MACROD2: variants seen among roughly 807,000 people sequenced by gnomAD.
MACROD2 encodes ADP-ribose glycohydrolase MACROD2.
In MACROD2, 36 loss-of-function variants were observed where a neutral mutation model predicts 70.4. The ratio of observed to expected loss-of-function variants is 0.51; its 90% CI spans 0.39 to 0.68. The LOEUF (loss-of-function observed/expected upper bound fraction) is 0.68, where lower values mean the gene tolerates loss of function less well. Ranked by LOEUF, MACROD2 falls within the 30% of genes least tolerant of loss-of-function variation. The pLI, the probability that MACROD2 is intolerant of heterozygous loss-of-function variation, is 0.00. For synonymous variants in MACROD2, 172 were observed against 178.8 expected, an observed-to-expected ratio of 0.96 and a Z score of 0.30; for missense variants, 496 against 538.4, an observed-to-expected ratio of 0.92 and a Z score of 0.78.
chr20:15,323,478 A>G, intron 6 of MACROD2, among the ~76,000 whole-genome samples: 1 of 152,166 alleles, frequency 6.6e-6, no homozygotes, highest in East Asian at 1.9e-4. Context: ...AATAGAGAAA[A>G]AAACCCCATA....
intron 12 of MACROD2, 55 bp downstream of exon 12, chr20:15,937,599 G>T: frequency 6.6e-7 from 1 of 1,519,986 alleles, no homozygotes; most frequent in Admixed American, 1.7e-5. Flanking sequence ...GAGACTGTTT[G>T]GGCTTGTTTA....
chr20:14,233,109 A>G (rs1163804431), intron 3 of MACROD2, among the ~76,000 whole-genome samples: 2 of 152,186 alleles, frequency 1.3e-5, no homozygotes, highest in African/African-American at 4.8e-5. Context: ...ATTGTCTTAT[A>G]TGGGTGTGGT....
At chr20:15,355,704 G>A (rs916392826) in intron 6 of MACROD2, among the ~76,000 whole-genome samples, 9 of 152,150 alleles carry the variant, frequency 5.9e-5, no homozygotes, top group African/African-American at 1.9e-4. Context: ...CTCAGCATGA[G>A]TGACTTTATC....
intron 15 of MACROD2, among the ~76,000 whole-genome samples, chr20:16,007,433 G>A (rs555573142): frequency 6.6e-6 from 1 of 152,244 alleles, no homozygotes; most frequent in South Asian, 2.1e-4. Flanking sequence ...GTGAGGCAGA[G>A]GACTATTAGC....
intron 5 of MACROD2, among the ~76,000 whole-genome samples, chr20:15,176,893 G>T (rs2076466347): frequency 6.6e-6 from 1 of 152,150 alleles, no homozygotes; most frequent in Non-Finnish European, 1.5e-5. Context: ...GTGGTTCCTG[G>T]CATCTCCAAG....
intron 5 of MACROD2, among the ~76,000 whole-genome samples, chr20:14,987,482 TG>T (rs2074859896): frequency 1.3e-5 from 2 of 152,238 alleles, no homozygotes; most frequent in African/African-American, 4.8e-5. Flanking sequence ...AAAAATCAAG[TG>T]TGTGTTTAAT....
intron 5 of MACROD2, among the ~76,000 whole-genome samples, chr20:15,176,902 A>G (rs991474921): frequency 6.6e-6 from 1 of 152,136 alleles, no homozygotes; most frequent in African/African-American, 2.4e-5. Context: ...GGCATCTCCA[A>G]GGTTCCAGAT....
intron 8 of MACROD2, among the ~76,000 whole-genome samples, chr20:15,793,558 C>T (rs866897289): frequency 4.6e-5 from 7 of 151,824 alleles, no homozygotes; most frequent in Admixed American, 2.6e-4. Flanking sequence ...TTTAAAAAGC[C>T]ATACTGTTAA....
At chr20:15,669,438 T>G (rs1363031486) in intron 8 of MACROD2, among the ~76,000 whole-genome samples, 1 of 152,262 alleles carries the variant, frequency 6.6e-6, no homozygotes, top group Non-Finnish European at 1.5e-5. Context: ...ACCCTGGTTC[T>G]TTCCTACTCT....
intron 5 of MACROD2, among the ~76,000 whole-genome samples, chr20:15,074,315 G>C (rs553917257): frequency 6.6e-6 from 1 of 152,168 alleles, no homozygotes; most frequent in African/African-American, 2.4e-5. Context: ...TCAATCATGC[G>C]TACCTAATGA....
chr20:15,013,798 C>G (rs34056767), intron 5 of MACROD2, among the ~76,000 whole-genome samples: 2 of 152,194 alleles, frequency 1.3e-5, no homozygotes, highest in African/African-American at 4.8e-5. Flanking sequence ...GGAGCCCAAC[C>G]TACAACACCA....
At chr20:15,285,727 C>G (rs2077485011) in intron 6 of MACROD2, among the ~76,000 whole-genome samples, 1 of 152,208 alleles carries the variant, frequency 6.6e-6, no homozygotes, top group Non-Finnish European at 1.5e-5. Context: ...TTATTAATAT[C>G]AAATAACTTT....
In MACROD2 at chr20:15,417,426, A is replaced by G. The variant is rs569305616; in HGVS notation, c.541-13979A>G. On this transcript the variant is annotated intron_variant, in intron 6 of 17. Coordinates refer to ENST00000684519, the MANE Select transcript of MACROD2 (RefSeq NM_001351661.2). The stretch of plus-strand genomic sequence containing the variant: ...GACAACACAGCAAGACCTCATCCCT[A>G]TGAATAATAATAATAATAAATATTA... Among the ~76,000 whole-genome samples, 9 of 151,614 alleles carry G rather than the reference A, an allele frequency of 5.9e-5. No individual in the cohort carries two copies. The East Asian group carries it at 1.4e-3, about 23-fold the overall frequency.
At chr20:15,720,134 AT>A (rs1453650518) in intron 8 of MACROD2, among the ~76,000 whole-genome samples, 5 of 152,148 alleles carry the variant, frequency 3.3e-5, no homozygotes, top group Admixed American at 6.5e-5. Context: ...GAATTTTATT[AT>A]TTTTTATAGC....
intron 4 of MACROD2, among the ~76,000 whole-genome samples, chr20:14,498,582 G>T (rs879466969): frequency 1.8e-4 from 27 of 152,284 alleles, no homozygotes; most frequent in Non-Finnish European, 3.4e-4. Context: ...GATTCTGCTG[G>T]CATAGTCTTT....
At chr20:15,163,147 TA>T (rs1309825670) in intron 5 of MACROD2, among the ~76,000 whole-genome samples, 6 of 151,840 alleles carry the variant, frequency 4.0e-5, no homozygotes, top group African/African-American at 1.4e-4. Context: ...GGGTCAGGGA[TA>T]ATCAGTGAAT....
intron 3 of MACROD2, among the ~76,000 whole-genome samples, chr20:14,248,602 T>A (rs1180213472): frequency 2.0e-5 from 3 of 151,822 alleles, no homozygotes; most frequent in Admixed American, 2.0e-4. Flanking sequence ...ATAATAATAA[T>A]AAATAAAATA....
At position 14,305,029 on chromosome 20, in the gene MACROD2, A is replaced by G. The variant is rs571526345; in HGVS notation, c.272-188450A>G. 1.3e-3 allele frequency among the ~76,000 whole-genome samples: 204 copies of G among 152,280 alleles called. 2 individuals carry two copies. Among genetic ancestry groups the G allele is most frequent in the African/African-American group, 4.8e-3 (198 of 41,558 alleles). ...CAGCTCTGATGCTCGGCCCCACTCC[A>G]GACCAATTAACTCAGAATTTCTGAA... On this transcript the variant is annotated intron_variant, in intron 3 of 17. Transcript: ENST00000684519.
chr20:15,596,347 T>C lies in MACROD2; in HGVS notation c.645+96500T>C, dbSNP rs536695928. Among the ~76,000 whole-genome samples, 121 of 152,242 alleles carry C rather than the reference T, an allele frequency of 7.9e-4. 3 individuals are homozygous for C. In the South Asian group the frequency reaches 0.023, roughly 29 times the overall value. ...GTTGTAATGCTTTTATTTTGCAGAC[T>C]CTACTGGGGCCAGTGAACAATGAGG... On this transcript the variant is annotated intron_variant, in intron 8 of 17. Transcript: ENST00000684519.
Sources: gnomAD v4.1 joint callset for allele counts (sites outside exome capture counted in the v4.1 genomes callset) on GRCh38, gnomAD v4.1.1 for gene constraint, MANE v1.5 for transcripts, NCBI Gene and HGNC (gene_info 2026-07-23, HGNC 2026-07-21) for gene names.